Variants in SCN9A observed in about 807,000 individuals in gnomAD.
The protein encoded by SCN9A is sodium voltage-gated channel alpha subunit 9, also known as sodium channel protein type 9 subunit alpha.
Under a neutral mutation model 187.0 loss-of-function variants are expected in SCN9A, and 131 were observed. The observed-to-expected ratio is 0.70, with a 90% CI of 0.61 to 0.81. The LOEUF (loss-of-function observed/expected upper bound fraction) is 0.81. Among genes scored for constraint, SCN9A ranks in the 30% least tolerant of loss-of-function variants. The pLI is 0.00. For synonymous variants in SCN9A, 809 were observed against 808.6 expected (o/e 1.00, Z -0.01); for missense variants, 2,252 against 2,396.6 (o/e 0.94, Z 1.26).
At position 166,303,272 on chromosome 2, in the gene SCN9A, T is replaced by G. The variant is rs749701713; in HGVS notation, c.719A>C (p.Gln240Pro). The G allele has an allele frequency of 6.2e-7, 1 of 1,613,550 alleles. No homozygotes were observed. Among genetic ancestry groups the G allele is most frequent in the Non-Finnish European group, 8.5e-7 (1 of 1,179,664 alleles). The change falls in exon 7 of 27, where the codon CAG becomes CCG. Residue 240 changes from glutamine to proline, a missense_variant. Transcript: ENST00000642356. ...GACATCAGAAAGCTTCTTCACTGAC[T>G]GGATCAAAGCCCCTACAATTGTCTT... ...GLKTIVGALIQSVKKLSDVMI... is the reference protein window; with the variant it reads ...GLKTIVGALIPSVKKLSDVMI...
chr2:166,242,908 C>A (rs1695631250), intron 18 of SCN9A, among the ~76,000 whole-genome samples: 1 of 152,066 alleles, frequency 6.6e-6, no homozygotes, highest in Non-Finnish European at 1.5e-5. Flanking sequence ...TCCCCAATTT[C>A]TCTTCAGTCT....
chr2:166,249,879 T>A (rs758196071), intron 18 of SCN9A, among the ~76,000 whole-genome samples: 1 of 152,074 alleles, frequency 6.6e-6, no homozygotes, highest in Non-Finnish European at 1.5e-5. Flanking sequence ...ATTCATAAAA[T>A]GAATAGGGAA....
In SCN9A at chr2:166,219,057, C is replaced by A. The variant is rs546524211; in HGVS notation, c.4398+7510G>T. On this transcript the variant is annotated intron_variant, in intron 24 of 26. Transcript: ENST00000642356. ...GTCAGAATGGCTATTATGAAAAAGT[C>A]AAAAAATAACAGATGCTGGCGAGGG... 1.1e-4 allele frequency among the ~76,000 whole-genome samples: 16 copies of A among 152,052 alleles called. No homozygotes were observed. In the South Asian group the frequency reaches 1.5e-3, roughly 14 times the overall value.
intron 19 of SCN9A, 114 bp downstream of exon 19, chr2:166,242,388 A>C: frequency 1.1e-6 from 1 of 921,428 alleles, no homozygotes; most frequent in Non-Finnish European, 1.6e-6. Context: ...CATTGGCACT[A>C]ATCATAGGGA....
intron 26 of SCN9A, among the ~76,000 whole-genome samples, chr2:166,201,804 A>G (rs1693548384): frequency 6.6e-6 from 1 of 151,502 alleles, no homozygotes; most frequent in African/African-American, 2.4e-5. Flanking sequence ...TAGTGCTCAT[A>G]CTTTACACAT....
chr2:166,303,383 C>A, intron 6 of SCN9A, 81 bp from the exon 7 acceptor site: 1 of 1,114,772 alleles, frequency 9.0e-7, no homozygotes, highest in South Asian at 1.4e-5. Flanking sequence ...CCTAGAAAGT[C>A]ATGCATTATA....
At chr2:166,263,145 G>C (rs1210619003) in intron 17 of SCN9A, among the ~76,000 whole-genome samples, 1 of 151,940 alleles carries the variant, frequency 6.6e-6, no homozygotes, top group East Asian at 1.9e-4. Flanking sequence ...TGACCCTCTT[G>C]CTTTGTTTTG....
intron 7 of SCN9A, chr2:166,302,691 CAT>C (rs1299750382): frequency 6.7e-6 from 1 of 149,048 alleles, no homozygotes; most frequent in Non-Finnish European, 1.5e-5. Context: ...AAAAATCTAT[CAT>C]AATAAATATG....
intron 19 of SCN9A, among the ~76,000 whole-genome samples, chr2:166,239,343 T>C (rs183719895): frequency 5.9e-4 from 90 of 152,118 alleles, no homozygotes; most frequent in African/African-American, 2.0e-3. Context: ...TTGGATAAAA[T>C]GAAAGTCAAA....
chr2:166,331,533 A>G lies in SCN9A; in HGVS notation c.-50-19727T>C, dbSNP rs373735201. On this transcript the variant is annotated intron_variant, in intron 1 of 26. Transcript: ENST00000642356. ...ATATCCTCAATGTAGTGATGTATGAAGAGTTTGTTATCTCAACATGTTTGG... is the reference window on the plus strand; with the variant it reads ...ATATCCTCAATGTAGTGATGTATGAGGAGTTTGTTATCTCAACATGTTTGG... Among the ~76,000 whole-genome samples, 63 of 152,282 alleles carry G rather than the reference A, an allele frequency of 4.1e-4. 1 individual carries two copies. The South Asian group carries it at 0.013, about 32-fold the overall frequency.
intron 17 of SCN9A, among the ~76,000 whole-genome samples, chr2:166,271,186 A>G (rs936102075): frequency 8.0e-6 from 1 of 124,630 alleles, no homozygotes; most frequent in Non-Finnish European, 1.9e-5. Context: ...GAAGAAGTAT[A>G]AAATTGTTTG....
At chr2:166,221,822 A>G (rs1694599974) in intron 24 of SCN9A, among the ~76,000 whole-genome samples, 1 of 152,196 alleles carries the variant, frequency 6.6e-6, no homozygotes, top group African/African-American at 2.4e-5. Context: ...ACCCATGCAT[A>G]AATAGTTAAC....
chr2:166,218,120 C>T (rs1383442328), intron 24 of SCN9A, among the ~76,000 whole-genome samples: 1 of 151,872 alleles, frequency 6.6e-6, no homozygotes, highest in Non-Finnish European at 1.5e-5. Flanking sequence ...TAGGTATGCA[C>T]AGTGCACTAC....
rs1218065447 is a variant in SCN9A, at chr2:166,288,452, C to G, written c.1299G>C (p.Glu433Asp). Residue 433 changes from glutamate to aspartate, a missense_variant, in exon 10 of 27, where the codon GAG becomes GAC. By Grantham distance (45) the Glu-to-Asp change is conservative. Transcript: ENST00000642356. ...ATAACAGTACCTCAGCTTCTTCTTGCTCTTTTTTAAGACGGTCTAACATCT... is the reference window on the plus strand; with the variant it reads ...ATAACAGTACCTCAGCTTCTTCTTGGTCTTTTTTAAGACGGTCTAACATCT... Reference protein sequence around the residue: ...FQQMLDRLKKEQEEAEAIAAA... With the variant: ...FQQMLDRLKKDQEEAEAIAAA... 2 of 1,609,256 alleles carry G rather than the reference C, an allele frequency of 1.2e-6. No homozygotes were observed. The highest frequency in any genetic ancestry group is 2.2e-5 in the South Asian group (2 of 90,236).
chr2:166,351,096 A>G (rs1178762682), intron 1 of SCN9A, among the ~76,000 whole-genome samples: 1 of 152,150 alleles, frequency 6.6e-6, no homozygotes, highest in East Asian at 1.9e-4. Context: ...TTCATATCTA[A>G]GTTTTAAAAA....
chr2:166,322,899 T>A (rs1211785724), intron 1 of SCN9A, among the ~76,000 whole-genome samples: 2 of 152,112 alleles, frequency 1.3e-5, no homozygotes, highest in African/African-American at 4.8e-5. Context: ...ATTCTAAAAA[T>A]GTTGAGGCAT....
At chr2:166,278,080 CA>C in intron 15 of SCN9A, 59 bp downstream of exon 15, 1 of 1,386,052 alleles carries the variant, frequency 7.2e-7, no homozygotes. Context: ...AAAAATAATG[CA>C]AAACCAAAGA....
chr2:166,350,194 C>T (rs1411448987), intron 1 of SCN9A, among the ~76,000 whole-genome samples: 2 of 152,132 alleles, frequency 1.3e-5, no homozygotes, highest in African/African-American at 4.8e-5. Flanking sequence ...TTCTATGATT[C>T]TATTATTCCT....
intron 1 of SCN9A, among the ~76,000 whole-genome samples, chr2:166,336,075 T>A (rs1402870898): frequency 6.6e-6 from 1 of 152,086 alleles, no homozygotes; most frequent in African/African-American, 2.4e-5. Context: ...CAGATTTCAG[T>A]ATCTCATGAG....
Sources: allele counts gnomAD v4.1 joint callset (sites outside exome capture counted in the v4.1 genomes callset), GRCh38; gene constraint gnomAD v4.1.1; transcripts MANE v1.5; gene names NCBI Gene and HGNC (gene_info 2026-07-23, HGNC 2026-07-21).